AGRN: variants seen among roughly 807,000 people sequenced by gnomAD.
AGRN encodes the protein agrin proteoglycan.
AGRN carries 106 observed loss-of-function variants against 211.0 expected under a neutral mutation model. The ratio of observed to expected loss-of-function variants is 0.50; its 90% CI spans 0.43 to 0.59. The LOEUF is 0.59. Among genes scored for constraint, AGRN ranks in the 20% least tolerant of loss-of-function variants. The probability of loss-of-function intolerance (pLI) is 0.00; values close to 1 mark genes in which losing one functional copy is unlikely to be tolerated. For synonymous variants in AGRN, 1,525 were observed against 1,332.5 expected (o/e 1.14, Z -3.15); for missense variants, 3,040 against 2,982.6 (o/e 1.02, Z -0.45).
At chr1:1,033,129 C>T (rs1307758657) in intron 2 of AGRN, among the ~76,000 whole-genome samples, 1 of 152,002 alleles carries the variant, frequency 6.6e-6, no homozygotes, top group Non-Finnish European at 1.5e-5. Flanking sequence ...CCCCACGGAC[C>T]CGCAGGGAGT....
chr1:1,027,013 G>GC (rs1014599395), intron 2 of AGRN, among the ~76,000 whole-genome samples: 6 of 152,098 alleles, frequency 3.9e-5, no homozygotes, highest in East Asian at 1.9e-4. Flanking sequence ...ACTGAGGGAA[G>GC]CCCCCCCGAA....
chr1:1,048,090 C>G lies in AGRN; in HGVS notation c.3830C>G (p.Ser1277Trp). 6.4e-7 allele frequency: 1 copy of G among 1,574,058 alleles called. No homozygotes were observed. The highest frequency in any genetic ancestry group is 2.3e-5 in the East Asian group (1 of 42,870). Residue 1277 changes from serine to tryptophan, a missense_variant, in exon 23 of 36, where the codon TCG becomes TGG. Coordinates refer to ENST00000379370, the MANE Select transcript of AGRN (RefSeq NM_198576.4). This position sits in a 1 kb window ranked among gnomAD's most constrained non-coding sequence, Gnocchi z 5.9. Reference sequence around the variant, plus strand: ...GCCACGGCCAGAGCCACCACTGCATCGCGCCTGCCGTCCTCTGCTGTGACC... The same window carrying G: ...GCCACGGCCAGAGCCACCACTGCATGGCGCCTGCCGTCCTCTGCTGTGACC... ...AGATARATTASRLPSSAVTPR... is the reference protein window; with the variant it reads ...AGATARATTAWRLPSSAVTPR...
chr1:1,025,987 G>T (rs113220637), intron 2 of AGRN, among the ~76,000 whole-genome samples: 50 of 152,258 alleles, frequency 3.3e-4, no homozygotes, highest in Admixed American at 5.2e-4. Context: ...CTTGGCCTGG[G>T]GGGGGGCTTT....
chr1:1,030,142 C>CGT (rs796212864), intron 2 of AGRN, among the ~76,000 whole-genome samples: 630 of 7,438 alleles, frequency 0.085, 98 homozygotes, highest in East Asian at 0.17. Flanking sequence ...GTGAGATCAG[C>CGT]ATGTGTGTGT....
At position 1,050,071 on chromosome 1, in the gene AGRN, G is replaced by T. The variant is rs766543831; in HGVS notation, c.4879+34G>T. On this transcript the variant is annotated intron_variant, in intron 27 of 35. Coordinates refer to ENST00000379370, the MANE Select transcript of AGRN (RefSeq NM_198576.4). ...CGTGGGGCTCTCGGGGCAGGGGGGG[G>T]GGGGGGGTTGAACGTTTGGGCGGGT... The T allele has an allele frequency of 2.5e-5, 38 of 1,504,222 alleles. 2 individuals carry two copies. In the South Asian group the frequency reaches 2.6e-4, roughly 10 times the overall value. The allele number at this position is 1,504,222 out of a possible 1,614,324, so 93.2% of individuals were successfully genotyped here. A position where few individuals can be genotyped will look rare whatever the true frequency, so the allele number is the denominator to read the frequency against.
chr1:1,051,973 T>C lies in AGRN; in HGVS notation c.5651+158T>C, dbSNP rs1352202159. On this transcript the variant is annotated intron_variant, in intron 33 of 35. Coordinates refer to ENST00000379370, the MANE Select transcript of AGRN (RefSeq NM_198576.4). ...CTCCCGGTCCTCCCGCCTCTCACTG[T>C]CTGTCTCTTTGTTTCCAAGCGAACT... is the stretch of plus-strand genomic sequence containing the variant. The C allele has an allele frequency of 1.3e-5, 20 of 1,546,548 alleles. No homozygotes were observed. In the East Asian group the frequency reaches 4.9e-4, roughly 38 times the overall value.
At position 1,041,961 on chromosome 1, in the gene AGRN, T is replaced by C; in HGVS notation, c.1183T>C (p.Cys395Arg). 6.2e-7 allele frequency: 1 copy of C among 1,611,632 alleles called. No homozygotes were observed. The highest frequency in any genetic ancestry group is 8.5e-7 in the Non-Finnish European group (1 of 1,179,588). Residue 395 changes from cysteine (C) to arginine (R), a missense_variant, in exon 7 of 36, where the codon TGC becomes CGC. By Grantham distance (180) the Cys-to-Arg change is radical. Coordinates refer to ENST00000379370, the MANE Select transcript of AGRN (RefSeq NM_198576.4). Reference sequence around the variant, plus strand: ...CCCTCACCCCTGCGTCCTAGACCAGTGCCCGGAGCCCTGCCGGTTCAATGC... The same window carrying C: ...CCCTCACCCCTGCGTCCTAGACCAGCGCCCGGAGCCCTGCCGGTTCAATGC... ...RSGQCQGRDQ[C>R]PEPCRFNAVC...
chr1:1,029,896 AGTGT>A (rs1491560191), intron 2 of AGRN, among the ~76,000 whole-genome samples: 2 of 45,202 alleles, frequency 4.4e-5, no homozygotes, highest in African/African-American at 1.5e-4. Context: ...CTGTGAGATC[AGTGT>A]GTGTGTGTGT....
chr1:1,045,331 G>T (rs376416185), intron 13 of AGRN, 28 bp from the exon 14 acceptor site: 1 of 1,611,984 alleles, frequency 6.2e-7, no homozygotes, highest in South Asian at 1.1e-5. Flanking sequence ...GTGCGGCCAC[G>T]TGACCTTGTC....
In AGRN at chr1:1,020,746, G is replaced by C. The variant is rs960083930; in HGVS notation, c.201+373G>C. Among the ~76,000 whole-genome samples, 13 of 152,094 alleles carry C rather than the reference G, an allele frequency of 8.5e-5. No individual in the cohort carries two copies. In the East Asian group the frequency reaches 2.5e-3, roughly 30 times the overall value. On this transcript the variant is annotated intron_variant, in intron 1 of 35. Transcript: ENST00000379370. Reference sequence around the variant, plus strand: ...TGGGATCCGCTTGTTCCCCTCCCCAGAGGCCTTTCCCGGGGCGAGAGGGGT... The same window carrying C: ...TGGGATCCGCTTGTTCCCCTCCCCACAGGCCTTTCCCGGGGCGAGAGGGGT...
At position 1,043,357 on chromosome 1, in the gene AGRN, GTGCGGCAGCGACGGCGTCACA is replaced by G; in HGVS notation, c.1505_1525del (p.Cys502_Thr508del). 6.2e-7 allele frequency: 1 copy of G among 1,610,524 alleles called. No individual in the cohort carries two copies. The highest frequency in any genetic ancestry group is 8.5e-7 in the Non-Finnish European group (1 of 1,179,048). ...CGTGCTCGAGCCTCTACGATCCTGT[GTGCGGCAGCGACGGCGTCACA>G]TACGGCAGCGCGTGCGAGCTGGAGG... On this transcript the variant is annotated inframe_deletion, in exon 8 of 36. Coordinates refer to ENST00000379370, the MANE Select transcript of AGRN (RefSeq NM_198576.4).
At position 1,050,846 on chromosome 1, in the gene AGRN, T is replaced by C. The variant is rs1328340844; in HGVS notation, c.5253+9T>C. On this transcript the variant is annotated intron_variant, in intron 30 of 35. Coordinates refer to ENST00000379370, the MANE Select transcript of AGRN (RefSeq NM_198576.4). ...TGTTGGGGGAGTCCCCGGTGAGTGC[T>C]CTGGGCCGCGAGGGGACTCCCGCTG... The C allele has an allele frequency of 6.4e-7, 1 of 1,552,596 alleles. No homozygotes were observed. Among genetic ancestry groups the C allele is most frequent in the Non-Finnish European group, 8.7e-7 (1 of 1,151,872 alleles).
intron 33 of AGRN, chr1:1,052,636 T>C (rs55669479): frequency 0.046 from 7,945 of 171,714 alleles, 515 homozygotes; most frequent in African/African-American, 0.16. Context: ...GAGGGAGACA[T>C]GCATGTGTGT....
At chr1:1,049,875 G>C (rs372217212) in intron 26 of AGRN, 28 bp from the exon 27 acceptor site, 5 of 1,611,188 alleles carry the variant, frequency 3.1e-6, no homozygotes, top group African/African-American at 1.3e-5. Context: ...CTGGGACCTC[G>C]GTCCCGGTCC....
intron 30 of AGRN, 184 bp from the exon 31 acceptor site, chr1:1,051,069 C>T: frequency 6.5e-7 from 1 of 1,548,736 alleles, no homozygotes; most frequent in Non-Finnish European, 8.7e-7. Context: ...CATCCGCTCA[C>T]CGTCTCTGGC....
intron 3 of AGRN, among the ~76,000 whole-genome samples, chr1:1,038,017 G>T (rs985939796): frequency 2.6e-5 from 4 of 152,230 alleles, no homozygotes; most frequent in Non-Finnish European, 4.4e-5. Flanking sequence ...CGGAGAATGG[G>T]GGGGTGGGGC....
chr1:1,051,620 A>T lies in AGRN; in HGVS notation c.5538A>T (p.Gly1846=). ...EAAYVCLCPG[G]FSGPHCEKGL... is the part of the protein sequence containing the mutation. ...CCTATGTGTGCCTGTGTCCCGGGGG[A>T]TTCTCAGGACCGCACTGCGAGAAGG... is the stretch of plus-strand genomic sequence containing the variant. The change falls in exon 32 of 36, where the codon GGA becomes GGT. Residue 1846 remains glycine, a synonymous_variant. Transcript: ENST00000379370. 1 of 1,609,868 alleles carries T rather than the reference A, an allele frequency of 6.2e-7. No individual in the cohort carries two copies.
intron 3 of AGRN, among the ~76,000 whole-genome samples, chr1:1,036,794 G>A (rs1409633351): frequency 2.0e-5 from 3 of 152,194 alleles, no homozygotes; most frequent in Non-Finnish European, 4.4e-5. Flanking sequence ...GTGGGGAGAG[G>A]AGACCGGTCT....
At chr1:1,034,847 C>A in intron 2 of AGRN, 1 of 433,762 alleles carries the variant, frequency 2.3e-6, no homozygotes, top group Non-Finnish European at 3.4e-6. Flanking sequence ...ACCCCTCGGT[C>A]CCTGGAGGCC....
Sources: allele counts gnomAD v4.1 joint callset (sites outside exome capture counted in the v4.1 genomes callset), GRCh38; gene constraint gnomAD v4.1.1; non-coding constraint Gnocchi (gnomAD v3.1); transcripts MANE v1.5; gene names NCBI Gene and HGNC (gene_info 2026-07-23, HGNC 2026-07-21).